The following IKZF5 variants were observed in gnomAD, a reference collection of about 807,000 sequenced individuals.
IKZF5 encodes the protein IKAROS family zinc finger 5, also known as zinc finger protein Pegasus.
IKZF5 carries 4 observed loss-of-function variants against 30.7 expected under a neutral mutation model. The observed-to-expected ratio is 0.13, with a 90% CI of 0.06 to 0.30. The LOEUF (loss-of-function observed/expected upper bound fraction) is 0.30. IKZF5 is among the 10% of genes least tolerant of loss of function. The pLI, the probability that IKZF5 is intolerant of heterozygous loss-of-function variation, is 1.00. For missense variants in IKZF5, 348 were observed against 525.5 expected (o/e 0.66, Z 3.30); for synonymous variants, 148 against 179.6 (o/e 0.82, Z 1.41).
At chr10:123,001,907 CA>C (rs1849599980) in intron 2 of IKZF5, among the ~76,000 whole-genome samples, 1 of 152,166 alleles carries the variant, frequency 6.6e-6, no homozygotes, top group East Asian at 1.9e-4. Context: ...TTTTAAGAAT[CA>C]AAACTTCTTC....
At chr10:123,002,519 CAAAAAAAA>C (rs764081145) in intron 2 of IKZF5, among the ~76,000 whole-genome samples, 2 of 96,870 alleles carry the variant, frequency 2.1e-5, no homozygotes, top group African/African-American at 7.9e-5. Context: ...ATTCTGTCTC[CAAAAAAAA>C]AAAAAAAATT....
chr10:123,001,880 C>A (rs1025717348), intron 2 of IKZF5, among the ~76,000 whole-genome samples: 6 of 152,278 alleles, frequency 3.9e-5, no homozygotes, highest in African/African-American at 1.4e-4. Context: ...TTCCAATTTA[C>A]AAAAATATGA....
Position 122,998,681 on chromosome 10 carries a change from T to C in IKZF5, c.-46-10A>G. 6.7e-7 allele frequency: 1 copy of C among 1,496,310 alleles called. No individual in the cohort carries two copies. Among genetic ancestry groups the C allele is most frequent in the Non-Finnish European group, 9.2e-7 (1 of 1,082,116 alleles). The allele number at this position is 1,496,310 out of a possible 1,614,324, so 92.7% of individuals were successfully genotyped here. On this transcript the variant is annotated splice_polypyrimidine_tract_variant and intron_variant, in intron 2 of 4. Coordinates refer to ENST00000368886, the MANE Select transcript of IKZF5 (RefSeq NM_001372123.1). ...GACCTAGAAAACAAAACTGAAACAA[T>C]TTTACACTATTTAGGGAGATCTAGT...
chr10:122,994,992 T>G lies in IKZF5; in HGVS notation c.317-269A>C, dbSNP rs965449828. On this transcript the variant is annotated intron_variant, in intron 4 of 4. Transcript: ENST00000368886. This position sits in a 1 kb window ranked among gnomAD's most constrained non-coding sequence, Gnocchi z 5.6. ...AAACTGTTATGGCTTCGAATGCATT[T>G]AGAGAGAAGAAACAGTACAATTGAA... is the stretch of plus-strand genomic sequence containing the variant. 16 of 376,398 alleles carry G rather than the reference T, an allele frequency of 4.3e-5. No individual in the cohort carries two copies. The highest frequency in any genetic ancestry group is 2.9e-4 in the African/African-American group (14 of 47,700). 23.3% of individuals were successfully genotyped at this position (376,398 alleles called of 1,614,324 possible). A position where few individuals can be genotyped will look rare whatever the true frequency, so the allele number is the denominator to read the frequency against.
chr10:122,993,466 G>C lies in IKZF5; in HGVS notation c.*314C>G, dbSNP rs1222675909. The stretch of plus-strand genomic sequence containing the variant: ...ATCAAAAGTATGGATAAGCCTTGAA[G>C]TTTTTATGGACCATAAATGTGAGAA... On this transcript the variant is annotated 3_prime_UTR_variant, in exon 5 of 5. Transcript: ENST00000368886. 1 of 191,778 alleles carries C rather than the reference G, an allele frequency of 5.2e-6. No homozygotes were observed. Among genetic ancestry groups the C allele is most frequent in the Non-Finnish European group, 1.1e-5 (1 of 93,800 alleles). The allele number at this position is 191,778 out of a possible 1,614,324, so 11.9% of individuals were successfully genotyped here. A position where few individuals can be genotyped will look rare whatever the true frequency, so the allele number is the denominator to read the frequency against.
At chr10:122,996,640 G>C (rs1470106153) in intron 3 of IKZF5, among the ~76,000 whole-genome samples, 1 of 152,308 alleles carries the variant, frequency 6.6e-6, no homozygotes, top group East Asian at 1.9e-4. Flanking sequence ...GGAGGCAGAG[G>C]TTGCAGTGAG....
At position 122,994,243 on chromosome 10, in the gene IKZF5, G is replaced by A; in HGVS notation, c.797C>T (p.Pro266Leu). The A allele has an allele frequency of 7.4e-6, 12 of 1,614,026 alleles. No individual in the cohort carries two copies. Among genetic ancestry groups the A allele is most frequent in the Non-Finnish European group, 1.0e-5 (12 of 1,180,008 alleles). ...GGATGCAGGGTTTTGGTTTTCGGGTGGCAGACTGGACAACTGCCCTGCTAG... is the reference window on the plus strand; with the variant it reads ...GGATGCAGGGTTTTGGTTTTCGGGTAGCAGACTGGACAACTGCCCTGCTAG... ...STLAGQLSSL[P>L]PENQNPASPD... Residue 266 changes from proline to leucine, a missense_variant, in exon 5 of 5, where the codon CCA (proline) becomes CTA (leucine). Pro to Leu is a moderately conservative substitution (Grantham distance 98). Coordinates refer to ENST00000368886, the MANE Select transcript of IKZF5 (RefSeq NM_001372123.1). The surrounding 1 kb of genome is among the most constrained non-coding windows in gnomAD (Gnocchi z 5.6).
At chr10:123,007,662 C>G (rs957383197) in intron 1 of IKZF5, among the ~76,000 whole-genome samples, 1 of 152,082 alleles carries the variant, frequency 6.6e-6, no homozygotes, top group Non-Finnish European at 1.5e-5. Context: ...CCTATCATAA[C>G]ACAAAACAGC....
intron 2 of IKZF5, 69 bp from the exon 3 acceptor site, chr10:122,998,740 C>T (rs543543403): frequency 2.4e-6 from 2 of 837,034 alleles, no homozygotes; most frequent in Non-Finnish European, 3.7e-6. Flanking sequence ...CTATTTTGTG[C>T]AAGACACTAT....
intron 3 of IKZF5, among the ~76,000 whole-genome samples, chr10:122,996,778 TGAG>T (rs1397169998): frequency 1.5e-4 from 23 of 152,114 alleles, no homozygotes; most frequent in African/African-American, 4.8e-4. Context: ...AGTGAACAGG[TGAG>T]GAGGGAGGGG....
At chr10:123,005,781 C>G (rs1849757990) in intron 2 of IKZF5, among the ~76,000 whole-genome samples, 1 of 152,160 alleles carries the variant, frequency 6.6e-6, no homozygotes, top group Admixed American at 6.5e-5. Context: ...GCAAGCCCTC[C>G]CCAGATACCT....
intron 2 of IKZF5, among the ~76,000 whole-genome samples, chr10:123,001,576 T>C (rs1456133193): frequency 6.6e-6 from 1 of 152,218 alleles, no homozygotes; most frequent in Non-Finnish European, 1.5e-5. Flanking sequence ...CAGCAATGTG[T>C]ACCTAACAGA....
At position 122,994,737 on chromosome 10, in the gene IKZF5, A is replaced by G. The variant is rs1335583668; in HGVS notation, c.317-14T>C. On this transcript the variant is annotated splice_polypyrimidine_tract_variant and intron_variant, in intron 4 of 4. Transcript: ENST00000368886. This position sits in a 1 kb window ranked among gnomAD's most constrained non-coding sequence, Gnocchi z 5.6. ...GAGGTTTTTCACCTGTTTCAAAAGA[A>G]AAATGATGGAGAAACTACAAGAGTA... 6.4e-7 allele frequency: 1 copy of G among 1,564,060 alleles called. No individual in the cohort carries two copies. The highest frequency in any genetic ancestry group is 8.7e-7 in the Non-Finnish European group (1 of 1,155,146).
Position 122,994,381 on chromosome 10 carries a change from G to T in IKZF5, c.659C>A (p.Pro220Gln). 1 of 1,613,992 alleles carries T rather than the reference G, an allele frequency of 6.2e-7. No homozygotes were observed. Among genetic ancestry groups the T allele is most frequent in the Non-Finnish European group, 8.5e-7 (1 of 1,179,988 alleles). ...DYLNDFTHEI[P>Q]NIQTDSYESM... is the part of the protein sequence containing the mutation. Reference sequence around the variant, plus strand: ...TTCATAGGAGTCAGTCTGGATATTTGGGATTTCGTGGGTAAAATCGTTAAG... The same window carrying T: ...TTCATAGGAGTCAGTCTGGATATTTTGGATTTCGTGGGTAAAATCGTTAAG... Residue 220 changes from proline to glutamine, a missense_variant, in exon 5 of 5, where the codon CCA becomes CAA. Pro to Gln is a moderately conservative substitution (Grantham distance 76). This residue lies in a region of IKZF5 where 176 missense variants were observed against 198.2 expected (regional missense o/e 0.89). Transcript: ENST00000368886. This position sits in a 1 kb window ranked among gnomAD's most constrained non-coding sequence, Gnocchi z 5.6.
At chr10:123,003,330 A>G (rs1849665566) in intron 2 of IKZF5, among the ~76,000 whole-genome samples, 1 of 151,956 alleles carries the variant, frequency 6.6e-6, no homozygotes. Flanking sequence ...AATAATCTAG[A>G]GCTTAAAGTA....
At chr10:123,001,732 T>C (rs573218611) in intron 2 of IKZF5, among the ~76,000 whole-genome samples, 2 of 152,346 alleles carry the variant, frequency 1.3e-5, no homozygotes, top group Admixed American at 1.3e-4. Context: ...ATAATAAGTC[T>C]TGCTATCACA....
rs911344239 is a variant in IKZF5 at position 122,994,709 on chromosome 10, G to A, written c.331C>T (p.Arg111Ter). The change falls in exon 5 of 5, where the codon CGA (arginine) becomes TGA (stop). Residue 111 changes from arginine (R) to a stop codon, truncating the protein, a stop_gained. Transcript: ENST00000368886. LOFTEE classifies it high-confidence loss of function. This position sits in a 1 kb window ranked among gnomAD's most constrained non-coding sequence, Gnocchi z 5.6. ...IRIHTGEKPH[R>*]CHLCPFASAY... ...GATGCAAATGGACAAAGATGACATCGATGAGGTTTTTCACCTGTTTCAAAA... is the reference window on the plus strand; with the variant it reads ...GATGCAAATGGACAAAGATGACATCAATGAGGTTTTTCACCTGTTTCAAAA... 1 of 1,601,334 alleles carries A rather than the reference G, an allele frequency of 6.2e-7. No individual in the cohort carries two copies. Among genetic ancestry groups the A allele is most frequent in the Non-Finnish European group, 8.5e-7 (1 of 1,174,636 alleles).
In IKZF5 at chr10:122,996,134, A is replaced by T. The variant is rs1849364023; in HGVS notation, c.176T>A (p.Val59Asp). The T allele has an allele frequency of 1.2e-6, 2 of 1,613,962 alleles. No homozygotes were observed. Among genetic ancestry groups the T allele is most frequent in the Non-Finnish European group, 1.7e-6 (2 of 1,180,028 alleles). ...TGAGTTTTCATCCAAGGAAACTTCAACAGATGGGTGATCAAGTCCATTTTG... is the reference window on the plus strand; with the variant it reads ...TGAGTTTTCATCCAAGGAAACTTCATCAGATGGGTGATCAAGTCCATTTTG... Reference protein sequence around the residue: ...GDQNGLDHPSVEVSLDENSGM... With the variant: ...GDQNGLDHPSDEVSLDENSGM... The change falls in exon 4 of 5, where the codon GTT (valine) becomes GAT (aspartate). Residue 59 changes from valine to aspartate, a missense_variant. This residue lies in a region of IKZF5 where 80 missense variants were observed against 93.2 expected (regional missense o/e 0.86). Coordinates refer to ENST00000368886, the MANE Select transcript of IKZF5 (RefSeq NM_001372123.1).
Position 122,994,775 on chromosome 10 carries a change from A to G in IKZF5, c.317-52T>C, listed in dbSNP as rs765266265. 1.2e-5 allele frequency: 18 copies of G among 1,451,412 alleles called. No homozygotes were observed. The Admixed American group carries it at 2.3e-4, about 19-fold the overall frequency. The allele number at this position is 1,451,412 out of a possible 1,614,324, so 89.9% of individuals were successfully genotyped here. On this transcript the variant is annotated intron_variant, in intron 4 of 4. Transcript: ENST00000368886. This position sits in a 1 kb window ranked among gnomAD's most constrained non-coding sequence, Gnocchi z 5.6. ...AACTACAAGAGTAGTTCATTTATGG[A>G]AAGTTTTGCTTGTCCATTCATTGGA...
Sources: gnomAD v4.1 joint callset for allele counts (sites outside exome capture counted in the v4.1 genomes callset) on GRCh38, gnomAD v4.1.1 for gene constraint, gnomAD v4.1.1 regional missense constraint, Gnocchi (gnomAD v3.1) non-coding constraint, MANE v1.5 for transcripts, NCBI Gene and HGNC (gene_info 2026-07-23, HGNC 2026-07-21) for gene names.